ATXN7L1: variants seen among roughly 807,000 people sequenced by gnomAD.
The protein encoded by ATXN7L1 is ataxin 7 like 1.
In ATXN7L1, 15 loss-of-function variants were observed where a neutral mutation model predicts 70.8. The observed-to-expected ratio is 0.21, with a 90% CI of 0.14 to 0.33. The LOEUF (loss-of-function observed/expected upper bound fraction) is 0.33, where lower values mean the gene tolerates loss of function less well. Ranked by LOEUF, ATXN7L1 falls within the 10% of genes least tolerant of loss-of-function variation. ATXN7L1 has a pLI of 1.00. For synonymous variants in ATXN7L1, 440 were observed against 445.1 expected (o/e 0.99, Z 0.14); for missense variants, 975 against 1,097.1 (o/e 0.89, Z 1.57).
At chr7:105,721,962 G>C (rs1795233006) in intron 3 of ATXN7L1, among the ~76,000 whole-genome samples, 2 of 152,222 alleles carry the variant, frequency 1.3e-5, no homozygotes, top group Admixed American at 1.3e-4. Flanking sequence ...CTCTTGGGAG[G>C]GACTAGTGCT....
chr7:105,665,381 G>A, intron 3 of ATXN7L1, 93 bp from the exon 4 acceptor site: 1 of 1,045,872 alleles, frequency 9.6e-7, no homozygotes, highest in East Asian at 2.6e-5. Flanking sequence ...AACAGGCGGA[G>A]AGAAGCGCTT....
chr7:105,620,590 A>G (rs2115788347), intron 8 of ATXN7L1, among the ~76,000 whole-genome samples: 1 of 152,296 alleles, frequency 6.6e-6, no homozygotes, highest in South Asian at 2.1e-4. Flanking sequence ...TTGAGCCAGC[A>G]TTTTTGGTTA....
At chr7:105,637,158 G>C (rs977895244) in intron 7 of ATXN7L1, among the ~76,000 whole-genome samples, 2 of 152,160 alleles carry the variant, frequency 1.3e-5, no homozygotes, top group African/African-American at 4.8e-5. Flanking sequence ...ATCTGACCGC[G>C]TCCTCCTGAA....
At chr7:105,626,000 C>T (rs1795646806) in intron 7 of ATXN7L1, among the ~76,000 whole-genome samples, 1 of 152,244 alleles carries the variant, frequency 6.6e-6, no homozygotes, top group Admixed American at 6.5e-5. Context: ...CACTGCTGAT[C>T]TGTCTCCCTT....
At chr7:105,624,724 A>T (rs1431676622) in intron 7 of ATXN7L1, among the ~76,000 whole-genome samples, 1 of 151,722 alleles carries the variant, frequency 6.6e-6, no homozygotes, top group African/African-American at 2.4e-5. Context: ...GACTTTGCAT[A>T]AGGGAAAACA....
At chr7:105,819,579 G>A in intron 2 of ATXN7L1, 2 of 1,083,238 alleles carry the variant, frequency 1.8e-6, no homozygotes, top group Non-Finnish European at 2.9e-6. Flanking sequence ...GGTACTGCTG[G>A]GCCGGAAGGT....
chr7:105,699,122 A>C (rs1200348581), intron 3 of ATXN7L1, among the ~76,000 whole-genome samples: 1 of 151,944 alleles, frequency 6.6e-6, no homozygotes, highest in Non-Finnish European at 1.5e-5. Context: ...AAAGATCTTC[A>C]TTCCACTGTA....
At position 105,675,632 on chromosome 7, in the gene ATXN7L1, GA is replaced by G. The variant is rs965597887; in HGVS notation, c.356-10345del. On this transcript the variant is annotated intron_variant, in intron 3 of 11. Coordinates refer to ENST00000419735, the MANE Select transcript of ATXN7L1 (RefSeq NM_020725.2). The stretch of plus-strand genomic sequence containing the variant: ...GAATGAGACCCCATCTCAAAAAAAA[GA>G]AAAAAAAAAGCACTTGATAAATACA... Among the ~76,000 whole-genome samples the G allele has an allele frequency of 7.8e-5, 11 of 140,858 alleles. No homozygotes were observed. The South Asian group carries it at 1.4e-3, about 17-fold the overall frequency. 92.4% of individuals were successfully genotyped at this position (140,858 alleles called of 152,430 possible).
intron 2 of ATXN7L1, among the ~76,000 whole-genome samples, chr7:105,851,197 A>C (rs1423031079): frequency 1.3e-5 from 2 of 152,144 alleles, no homozygotes; most frequent in Non-Finnish European, 2.9e-5. Context: ...ACTTATCCCT[A>C]ATCTTCCTAG....
At chr7:105,647,585 TG>T (rs1799237528) in intron 4 of ATXN7L1, among the ~76,000 whole-genome samples, 1 of 152,232 alleles carries the variant, frequency 6.6e-6, no homozygotes, top group Admixed American at 6.5e-5. Flanking sequence ...AGACGGAGGT[TG>T]CAGTGAGCTG....
intron 2 of ATXN7L1, among the ~76,000 whole-genome samples, chr7:105,843,049 T>C (rs556757231): frequency 6.6e-6 from 1 of 152,360 alleles, no homozygotes; most frequent in South Asian, 2.1e-4. Flanking sequence ...TTCAGCTTTT[T>C]TTCTTAAAAT....
At chr7:105,673,321 G>A (rs1414471082) in intron 3 of ATXN7L1, among the ~76,000 whole-genome samples, 1 of 152,190 alleles carries the variant, frequency 6.6e-6, no homozygotes, top group Non-Finnish European at 1.5e-5. Context: ...TACTCAAGGT[G>A]GCTCCCTGCA....
intron 3 of ATXN7L1, among the ~76,000 whole-genome samples, chr7:105,673,984 C>T (rs1031620604): frequency 1.3e-5 from 2 of 152,216 alleles, no homozygotes; most frequent in Non-Finnish European, 1.5e-5. Flanking sequence ...CGAATGCAGG[C>T]AGAGCTGTGC....
chr7:105,650,405 TAA>T (rs146712586), intron 4 of ATXN7L1, among the ~76,000 whole-genome samples: 6,842 of 152,304 alleles, frequency 0.045, 220 homozygotes, highest in Middle Eastern at 0.11. Context: ...ATCTGCCAGA[TAA>T]ATCTAACATT....
In ATXN7L1 at chr7:105,706,563, C is replaced by CA. The variant is rs775453102; in HGVS notation, c.356-41276dup. Among the ~76,000 whole-genome samples the CA allele has an allele frequency of 1.1e-4, 16 of 151,554 alleles. 1 individual carries two copies. The highest frequency in any genetic ancestry group is 1.9e-4 in the African/African-American group (8 of 41,332). On this transcript the variant is annotated intron_variant, in intron 3 of 11. Coordinates refer to ENST00000419735, the MANE Select transcript of ATXN7L1 (RefSeq NM_020725.2). ...CAAAAAACACCACCACCACCACCAC[C>CA]AAAAAAAACAAAAACAAAAACAAAA...
chr7:105,638,457 G>A lies in ATXN7L1; in HGVS notation c.1098C>T (p.Ser366=), dbSNP rs780914400. The A allele has an allele frequency of 3.4e-5, 52 of 1,552,182 alleles. No homozygotes were observed. The highest frequency in any genetic ancestry group is 4.2e-5 in the Non-Finnish European group (48 of 1,147,144). The change falls in exon 7 of 12, where the codon TCC becomes TCT. Residue 366 remains serine, a synonymous_variant. Coordinates refer to ENST00000419735, the MANE Select transcript of ATXN7L1 (RefSeq NM_020725.2). ...TSTREILPSQ[S]GPAQDSLLGS... ...CTAGCAGAGAATCCTGTGCCGGCCC[G>A]GATTGGCTTGGAAGTATTTCCCTCG...
At chr7:105,724,218 T>C (rs1795528545) in intron 3 of ATXN7L1, among the ~76,000 whole-genome samples, 1 of 152,052 alleles carries the variant, frequency 6.6e-6, no homozygotes, top group Non-Finnish European at 1.5e-5. Context: ...ATTTCCTACG[T>C]GGTTGGAAGT....
rs370383193 is a variant in ATXN7L1 at position 105,605,477 on chromosome 7, G to T, written c.*2375C>A. ...AAGTAAGCAGCATTCGATGAGGGTG[G>T]GGGGGGGGGTGGGGGCTCTTTATTC... On this transcript the variant is annotated 3_prime_UTR_variant, in exon 12 of 12. Coordinates refer to ENST00000419735, the MANE Select transcript of ATXN7L1 (RefSeq NM_020725.2). The T allele has an allele frequency of 2.7e-4, 6 of 22,378 alleles. No individual in the cohort carries two copies. In the East Asian group the frequency reaches 0.042, roughly 155 times the overall value. 1.4% of individuals were successfully genotyped at this position (22,378 alleles called of 1,614,324 possible).
intron 3 of ATXN7L1, chr7:105,677,884 T>C (rs1426939901): frequency 1.1e-6 from 1 of 939,432 alleles, no homozygotes; most frequent in East Asian, 1.2e-4. Context: ...TGGTCTCTTA[T>C]AAGAGAAGGT....
Sources: gnomAD v4.1 joint callset for allele counts (sites outside exome capture counted in the v4.1 genomes callset) on GRCh38, gnomAD v4.1.1 for gene constraint, MANE v1.5 for transcripts, NCBI Gene and HGNC (gene_info 2026-07-23, HGNC 2026-07-21) for gene names.